Variants in NLGN1 observed in about 807,000 individuals in gnomAD.
The protein encoded by NLGN1 is neuroligin-1.
In NLGN1, 12 loss-of-function variants were observed where a neutral mutation model predicts 65.5. That is an observed-to-expected ratio of 0.18 (90% CI 0.12 to 0.30). The LOEUF (loss-of-function observed/expected upper bound fraction) is 0.30, where lower values mean the gene tolerates loss of function less well. Ranked by LOEUF, NLGN1 falls within the 10% of genes least tolerant of loss-of-function variation. The pLI, the probability that NLGN1 is intolerant of heterozygous loss-of-function variation, is 1.00. For synonymous variants in NLGN1, 350 were observed against 359.5 expected, an observed-to-expected ratio of 0.97 and a Z score of 0.30; for missense variants, 750 against 1,007.1, an observed-to-expected ratio of 0.74 and a Z score of 3.46.
intron 3 of NLGN1, among the ~76,000 whole-genome samples, chr3:173,706,975 G>A (rs79906436): frequency 0.054 from 8,284 of 152,276 alleles, 227 homozygotes; most frequent in South Asian, 0.077. Flanking sequence ...CCAAGTCACA[G>A]CCATTTTTTA....
At chr3:174,207,955 T>TG (rs1041657266) in intron 4 of NLGN1, among the ~76,000 whole-genome samples, 9 of 152,254 alleles carry the variant, frequency 5.9e-5, no homozygotes, top group Non-Finnish European at 1.0e-4. Context: ...TGCATGTATT[T>TG]GGTTTGCTTT....
Position 173,565,428 on chromosome 3 carries a change from C to T in NLGN1, c.-320-38851C>T, listed in dbSNP as rs139941429. On this transcript the variant is annotated intron_variant, in intron 2 of 6. Transcript: ENST00000457714. ...AATATTTTCCACATCTTACTAAATCCCAAGACCTATGCTGTTGAATTCCTA... is the reference window on the plus strand; with the variant it reads ...AATATTTTCCACATCTTACTAAATCTCAAGACCTATGCTGTTGAATTCCTA... 3.3e-3 allele frequency among the ~76,000 whole-genome samples: 509 copies of T among 152,148 alleles called. 4 individuals are homozygous for T. Among genetic ancestry groups the T allele is most frequent in the African/African-American group, 0.011 (468 of 41,498 alleles).
intron 4 of NLGN1, among the ~76,000 whole-genome samples, chr3:173,891,117 A>G (rs1735249629): frequency 6.6e-6 from 1 of 152,178 alleles, no homozygotes; most frequent in African/African-American, 2.4e-5. Context: ...AAAATAGGAT[A>G]ATACAAACCA....
At chr3:173,937,746 G>A (rs1745307449) in intron 4 of NLGN1, among the ~76,000 whole-genome samples, 1 of 152,032 alleles carries the variant, frequency 6.6e-6, no homozygotes, top group Admixed American at 6.6e-5. Flanking sequence ...GCAAAATGTT[G>A]GGGTTTTGTA....
At chr3:173,753,661 G>A (rs1267789669) in intron 3 of NLGN1, among the ~76,000 whole-genome samples, 1 of 151,876 alleles carries the variant, frequency 6.6e-6, no homozygotes, top group Non-Finnish European at 1.5e-5. Flanking sequence ...TCAAACATTA[G>A]TAAGTCATAT....
At chr3:173,961,951 C>G (rs1713683622) in intron 4 of NLGN1, among the ~76,000 whole-genome samples, 1 of 151,970 alleles carries the variant, frequency 6.6e-6, no homozygotes, top group African/African-American at 2.4e-5. Context: ...CTCAAGCTAT[C>G]TTTTCTGCTT....
intron 4 of NLGN1, among the ~76,000 whole-genome samples, chr3:173,889,552 A>T (rs1387835981): frequency 6.6e-6 from 1 of 152,162 alleles, no homozygotes. Flanking sequence ...TCCCGTTGTC[A>T]AGAAGTAAAA....
intron 3 of NLGN1, among the ~76,000 whole-genome samples, chr3:173,629,048 A>G (rs747831422): frequency 2.0e-5 from 3 of 152,058 alleles, no homozygotes; most frequent in South Asian, 4.1e-4. Context: ...ATACAAATAA[A>G]TAGTATTACT....
intron 3 of NLGN1, among the ~76,000 whole-genome samples, chr3:173,683,208 C>A (rs751973848): frequency 6.6e-6 from 1 of 152,032 alleles, no homozygotes; most frequent in Non-Finnish European, 1.5e-5. Context: ...ATTTGATTTG[C>A]TTTGCTTTCA....
In NLGN1 at chr3:174,270,625, A is replaced by G. The variant is rs575022745; in HGVS notation, c.647-4690A>G. Among the ~76,000 whole-genome samples the G allele has an allele frequency of 3.4e-3, 521 of 151,964 alleles. 4 individuals carry two copies. Among genetic ancestry groups the G allele is most frequent in the African/African-American group, 0.012 (505 of 41,534 alleles). On this transcript the variant is annotated intron_variant, in intron 4 of 6. Transcript: ENST00000457714. ...GTGAGTAGTGACAGATAGAAGGGAT[A>G]CTTGCTTGCTGAAAGTTTGGAGGTT... is the stretch of plus-strand genomic sequence containing the variant.
chr3:173,467,749 C>T (rs1724611356), intron 2 of NLGN1, among the ~76,000 whole-genome samples: 1 of 152,082 alleles, frequency 6.6e-6, no homozygotes, highest in African/African-American at 2.4e-5. Context: ...TGAGGCTTAA[C>T]ACAATGTTTA....
chr3:173,809,024 T>A (rs532229417), intron 4 of NLGN1, among the ~76,000 whole-genome samples: 22 of 152,280 alleles, frequency 1.4e-4, no homozygotes, highest in Non-Finnish European at 2.4e-4. Flanking sequence ...ATTTTACCAA[T>A]GTGAAGGTTA....
intron 4 of NLGN1, among the ~76,000 whole-genome samples, chr3:174,041,575 G>A (rs537101007): frequency 5.3e-5 from 8 of 152,234 alleles, no homozygotes; most frequent in African/African-American, 1.9e-4. Flanking sequence ...TTAGATGTGA[G>A]TTGCAATTAC....
rs1002102659 is a variant in NLGN1, at chr3:173,600,863, A to G, written c.-320-3416A>G. Among the ~76,000 whole-genome samples the G allele has an allele frequency of 5.9e-5, 9 of 151,960 alleles. No homozygotes were observed. In the South Asian group the frequency reaches 1.7e-3, roughly 28 times the overall value. On this transcript the variant is annotated intron_variant, in intron 2 of 6. Coordinates refer to ENST00000457714, the Ensembl canonical transcript of NLGN1. ...ATATCTAATGTTTGTTGAGTGAATG[A>G]AAGATTGGATGAATGTGGCCACCCA... is the stretch of plus-strand genomic sequence containing the variant.
At chr3:174,005,525 C>T (rs567841871) in intron 4 of NLGN1, among the ~76,000 whole-genome samples, 1 of 152,238 alleles carries the variant, frequency 6.6e-6, no homozygotes, top group African/African-American at 2.4e-5. Flanking sequence ...ATAAACTATA[C>T]TTACTCTGTC....
At position 173,439,554 on chromosome 3, in the gene NLGN1, G is replaced by A. The variant is rs565717171; in HGVS notation, c.-321+4476G>A. Among the ~76,000 whole-genome samples, 117 of 148,990 alleles carry A rather than the reference G, an allele frequency of 7.9e-4. 1 individual carries two copies. The highest frequency in any genetic ancestry group is 2.9e-3 in the African/African-American group (115 of 40,012). ...CTGCAAAAAAAAAAAAAAAGTACAG[G>A]AACACCTTGGATATATTGTAGGTTT... On this transcript the variant is annotated intron_variant, in intron 2 of 6. Transcript: ENST00000457714.
At chr3:173,881,378 T>C (rs954203899) in intron 4 of NLGN1, among the ~76,000 whole-genome samples, 3 of 146,818 alleles carry the variant, frequency 2.0e-5, no homozygotes, top group Non-Finnish European at 1.5e-5. Flanking sequence ...ATTACAGGCC[T>C]GAGCCACTGC....
chr3:173,425,096 GGAGA>G (rs144479239), intron 1 of NLGN1, among the ~76,000 whole-genome samples: 10 of 151,906 alleles, frequency 6.6e-5, no homozygotes, highest in Non-Finnish European at 1.2e-4. Context: ...GAAGGTGGCA[GGAGA>G]GAGAGAGAGA....
chr3:174,041,371 T>A (rs1247190890), intron 4 of NLGN1, among the ~76,000 whole-genome samples: 1 of 152,216 alleles, frequency 6.6e-6, no homozygotes, highest in Admixed American at 6.6e-5. Flanking sequence ...CACAGTGTGC[T>A]TATTGATTCT....
Sources: gnomAD v4.1 joint callset for allele counts (sites outside exome capture counted in the v4.1 genomes callset) on GRCh38, gnomAD v4.1.1 for gene constraint, MANE v1.5 for transcripts, NCBI Gene and HGNC (gene_info 2026-07-23, HGNC 2026-07-21) for gene names.